Variants in CDC42BPA observed in about 807,000 individuals in gnomAD.
The protein encoded by CDC42BPA is CDC42 binding protein kinase alpha.
In CDC42BPA, 80 loss-of-function variants were observed where a neutral mutation model predicts 223.5. The ratio of observed to expected loss-of-function variants is 0.36; its 90% CI spans 0.30 to 0.43. CDC42BPA has a LOEUF of 0.43. Ranked by LOEUF, CDC42BPA falls within the 20% of genes least tolerant of loss-of-function variation. The pLI, the probability that CDC42BPA is intolerant of heterozygous loss-of-function variation, is 1.00. For missense variants in CDC42BPA, 1,743 were observed against 2,099.9 expected (o/e 0.83, Z 3.32); for synonymous variants, 694 against 718.6 (o/e 0.97, Z 0.55).
chr1:227,304,894 C>G (rs1692287981), intron 1 of CDC42BPA, among the ~76,000 whole-genome samples: 1 of 152,126 alleles, frequency 6.6e-6, no homozygotes, highest in Admixed American at 6.5e-5. Flanking sequence ...TCACAATATA[C>G]ACACCAAAAT....
chr1:227,112,487 C>T lies in CDC42BPA; in HGVS notation c.1891-65G>A. 5 of 1,242,008 alleles carry T rather than the reference C, an allele frequency of 4.0e-6. No individual in the cohort carries two copies. The Admixed American group carries it at 1.2e-4, about 29-fold the overall frequency. The allele number at this position is 1,242,008 out of a possible 1,614,324, so 76.9% of individuals were successfully genotyped here. A position where few individuals can be genotyped will look rare whatever the true frequency, so the allele number is the denominator to read the frequency against. ...ATTTTTTTCCAAACAAAACATTTAT[C>T]CCAATGAGAATTTACCTTGTAACAG... On this transcript the variant is annotated intron_variant, in intron 13 of 36. Transcript: ENST00000366766.
chr1:227,011,787 G>A (rs1350433006), intron 34 of CDC42BPA, among the ~76,000 whole-genome samples: 2 of 152,134 alleles, frequency 1.3e-5, no homozygotes, highest in Non-Finnish European at 1.5e-5. Flanking sequence ...AACTACTTCC[G>A]ATTACGCAGG....
intron 32 of CDC42BPA, among the ~76,000 whole-genome samples, chr1:227,018,479 G>T (rs1457858913): frequency 2.0e-5 from 3 of 152,170 alleles, no homozygotes; most frequent in African/African-American, 7.2e-5. Context: ...TCTTCTCCAA[G>T]ATCTACCTCT....
chr1:227,153,934 TA>T (rs898185429), intron 6 of CDC42BPA, among the ~76,000 whole-genome samples: 1 of 151,690 alleles, frequency 6.6e-6, no homozygotes, highest in Admixed American at 6.6e-5. Flanking sequence ...GACCTAAACC[TA>T]AAAATCAGAC....
chr1:226,991,983 G>A lies in CDC42BPA; in HGVS notation c.*2285C>T, dbSNP rs1660796131. Reference sequence around the variant, plus strand: ...TGGGGAGGGTGGGGATGGGGAGGGTGGGAAGAGTGAGGAGGAGAGGAGGGG... The same window carrying A: ...TGGGGAGGGTGGGGATGGGGAGGGTAGGAAGAGTGAGGAGGAGAGGAGGGG... On this transcript the variant is annotated 3_prime_UTR_variant, in exon 37 of 37. Coordinates refer to ENST00000366766, the MANE Select transcript of CDC42BPA (RefSeq NM_001394014.1). 7.1e-6 allele frequency: 1 copy of A among 141,818 alleles called. No individual in the cohort carries two copies. Among genetic ancestry groups the A allele is most frequent in the Non-Finnish European group, 1.5e-5 (1 of 65,000 alleles). 8.8% of individuals were successfully genotyped at this position (141,818 alleles called of 1,614,324 possible).
chr1:227,145,276 T>C (rs1429226596), intron 8 of CDC42BPA, among the ~76,000 whole-genome samples: 2 of 152,212 alleles, frequency 1.3e-5, no homozygotes, highest in Non-Finnish European at 2.9e-5. Context: ...TGAATTTTAA[T>C]TTTGTTCTTA....
rs149063316 is a variant in CDC42BPA at position 227,024,368 on chromosome 1, A to G, written c.4531-1021T>C. Reference sequence around the variant, plus strand: ...ATTCCTTTATGCTGTTGATGGGAGTATTGGTTGGTACAATTACTTTGGAAA... The same window carrying G: ...ATTCCTTTATGCTGTTGATGGGAGTGTTGGTTGGTACAATTACTTTGGAAA... On this transcript the variant is annotated intron_variant, in intron 31 of 36. Coordinates refer to ENST00000366766, the MANE Select transcript of CDC42BPA (RefSeq NM_001394014.1). Among the ~76,000 whole-genome samples the G allele has an allele frequency of 4.4e-3, 669 of 152,300 alleles. 3 individuals carry two copies. Among genetic ancestry groups the G allele is most frequent in the African/African-American group, 0.015 (622 of 41,562 alleles).
At chr1:227,162,906 G>A (rs1362891407) in intron 5 of CDC42BPA, among the ~76,000 whole-genome samples, 2 of 133,494 alleles carry the variant, frequency 1.5e-5, no homozygotes, top group African/African-American at 2.8e-5. Context: ...ATATATGTGT[G>A]TGTATATGTG....
chr1:227,052,063 A>C (rs1268171500), intron 21 of CDC42BPA, 78 bp from the exon 22 acceptor site: 9 of 734,252 alleles, frequency 1.2e-5, no homozygotes, highest in Non-Finnish European at 1.8e-5. Context: ...AATTTCTGTA[A>C]GGCATGATTA....
chr1:227,131,806 C>G (rs1452883006), intron 10 of CDC42BPA, among the ~76,000 whole-genome samples: 1 of 152,116 alleles, frequency 6.6e-6, no homozygotes, highest in Non-Finnish European at 1.5e-5. Flanking sequence ...GAAAATAAAT[C>G]CATATTATTT....
At chr1:227,135,165 A>G (rs1335843642) in intron 10 of CDC42BPA, among the ~76,000 whole-genome samples, 1 of 152,174 alleles carries the variant, frequency 6.6e-6, no homozygotes, top group Admixed American at 6.5e-5. Flanking sequence ...AAGAAAAACC[A>G]CTGAAGCTTC....
Position 227,101,158 on chromosome 1 carries a change from T to G in CDC42BPA, c.2083A>C (p.Lys695Gln), listed in dbSNP as rs1225724995. The G allele has an allele frequency of 6.3e-7, 1 of 1,589,834 alleles. No homozygotes were observed. The highest frequency in any genetic ancestry group is 2.2e-5 in the East Asian group (1 of 44,638). The part of the protein sequence containing the change: ...EITKLKTDLE[K>Q]KSIFYEEELS... ...TCTTCTTCATAAAAGATACTTTTCTTTTCCAAATCAGTCTTTAGTTTGGTT... is the reference window on the plus strand; with the variant it reads ...TCTTCTTCATAAAAGATACTTTTCTGTTCCAAATCAGTCTTTAGTTTGGTT... The change falls in exon 15 of 37, where the codon AAG becomes CAG. Residue 695 changes from lysine (K) to glutamine (Q), a missense_variant. Transcript: ENST00000366766.
At chr1:227,074,125 G>C (rs1430420681) in intron 18 of CDC42BPA, 113 bp from the exon 19 acceptor site, 9 of 1,385,460 alleles carry the variant, frequency 6.5e-6, no homozygotes, top group Non-Finnish European at 9.0e-6. Flanking sequence ...CAAACTAATA[G>C]TTTTCTCATA....
At chr1:227,153,960 G>GA (rs1662261684) in intron 6 of CDC42BPA, among the ~76,000 whole-genome samples, 1 of 151,514 alleles carries the variant, frequency 6.6e-6, no homozygotes, top group South Asian at 2.1e-4. Flanking sequence ...ACAATTTAAG[G>GA]AAAAAAAATT....
intron 21 of CDC42BPA, among the ~76,000 whole-genome samples, chr1:227,052,515 C>T (rs1168662900): frequency 3.9e-5 from 6 of 152,226 alleles, no homozygotes; most frequent in African/African-American, 1.2e-4. Flanking sequence ...TATATTCAGT[C>T]GCATCCTTTT....
chr1:227,148,772 C>CAAAAAAAAAAAAAAAAAAAAAAAAAA (rs57635319), intron 6 of CDC42BPA, among the ~76,000 whole-genome samples: 1 of 78,786 alleles, frequency 1.3e-5, no homozygotes, highest in African/African-American at 5.6e-5. Flanking sequence ...GTCTCAAAAG[C>CAAAAAAAAAAAAAAAAAAAAAAAAAA]AAAAAAAAAA....
intron 1 of CDC42BPA, among the ~76,000 whole-genome samples, chr1:227,276,573 G>A (rs1435895733): frequency 1.3e-5 from 2 of 152,216 alleles, no homozygotes; most frequent in East Asian, 3.9e-4. Flanking sequence ...CGTCTGGGAG[G>A]TGTGCCCAAC....
intron 1 of CDC42BPA, among the ~76,000 whole-genome samples, chr1:227,260,435 C>T (rs1340920619): frequency 6.6e-6 from 1 of 150,992 alleles, no homozygotes; most frequent in African/African-American, 2.5e-5. Flanking sequence ...CTCTGTGTAG[C>T]CCAAGATCCA....
intron 4 of CDC42BPA, among the ~76,000 whole-genome samples, chr1:227,197,834 G>A (rs1032313754): frequency 6.6e-6 from 1 of 152,082 alleles, no homozygotes; most frequent in Non-Finnish European, 1.5e-5. Context: ...TGTGGGATGT[G>A]TTTTAATTTG....
Sources: allele counts gnomAD v4.1 joint callset (sites outside exome capture counted in the v4.1 genomes callset), GRCh38; gene constraint gnomAD v4.1.1; transcripts MANE v1.5; gene names NCBI Gene and HGNC (gene_info 2026-07-23, HGNC 2026-07-21).